ASTN2: variants seen among roughly 807,000 people sequenced by gnomAD.
ASTN2 encodes the protein astrotactin-2.
A neutral mutation model predicts 139.8 loss-of-function variants in ASTN2; 54 were observed. The ratio of observed to expected loss-of-function variants is 0.39; its 90% CI spans 0.31 to 0.48. The LOEUF is 0.48. Ranked by LOEUF, ASTN2 falls within the 20% of genes least tolerant of loss-of-function variation. ASTN2 has a pLI of 0.95. For missense variants in ASTN2, 1,565 were observed against 1,725.1 expected, an observed-to-expected ratio of 0.91 and a Z score of 1.64; for synonymous variants, 756 against 719.5, an observed-to-expected ratio of 1.05 and a Z score of -0.81.
intron 7 of ASTN2, among the ~76,000 whole-genome samples, chr9:116,995,624 A>C (rs927145691): frequency 6.6e-6 from 1 of 152,178 alleles, no homozygotes; most frequent in Non-Finnish European, 1.5e-5. Context: ...TCAAGGTTGT[A>C]ATTATGTGCT....
At chr9:116,833,239 T>A (rs1831872844) in intron 11 of ASTN2, among the ~76,000 whole-genome samples, 1 of 152,146 alleles carries the variant, frequency 6.6e-6, no homozygotes, top group South Asian at 2.1e-4. Context: ...TTACACAAGG[T>A]CTGTGGTGAT....
intron 2 of ASTN2, among the ~76,000 whole-genome samples, chr9:117,289,683 C>T (rs1359711998): frequency 2.0e-5 from 3 of 152,208 alleles, no homozygotes; most frequent in African/African-American, 7.2e-5. Context: ...TGGTGTCCCA[C>T]ACCCCATGAG....
At chr9:117,057,446 C>T (rs748815271) in intron 5 of ASTN2, among the ~76,000 whole-genome samples, 37 of 152,172 alleles carry the variant, frequency 2.4e-4, no homozygotes, top group Non-Finnish European at 1.0e-4. Context: ...CCTGCATATG[C>T]TGTTAAATTT....
rs150517462 is a variant in ASTN2, at chr9:117,141,360, C to T, written c.1134G>A (p.Ser378=). ...TGCTCCTCCGCTTCCTCTTCCCTGC[C>T]GATGTGCTGCGCAGGGGTGGTTGCA... ...GQLQPPLRST[S]AGKRKRRSKS... is the part of the protein sequence containing the mutation. The change falls in exon 4 of 23, where the codon TCG becomes TCA. Residue 378 remains serine, a synonymous_variant. Transcript: ENST00000313400. The T allele has an allele frequency of 6.3e-5, 86 of 1,367,286 alleles. No homozygotes were observed. The highest frequency in any genetic ancestry group is 2.1e-4 in the Middle Eastern group (1 of 4,788). The allele number at this position is 1,367,286 out of a possible 1,614,324, so 84.7% of individuals were successfully genotyped here.
At chr9:117,192,781 G>T (rs997394973) in intron 3 of ASTN2, among the ~76,000 whole-genome samples, 9 of 152,148 alleles carry the variant, frequency 5.9e-5, no homozygotes, top group Non-Finnish European at 1.3e-4. Flanking sequence ...AGGGATGTGG[G>T]TATAAAGTAC....
At position 117,204,014 on chromosome 9, in the gene ASTN2, G is replaced by A. The variant is rs553022231; in HGVS notation, c.1015+10344C>T. ...GCCACCACACTCCCCAGGGGTTCAG[G>A]TCCAGGGAGATCTGAATTCTGTCCC... On this transcript the variant is annotated intron_variant, in intron 3 of 22. Transcript: ENST00000313400. Among the ~76,000 whole-genome samples the A allele has an allele frequency of 3.9e-5, 6 of 152,308 alleles. No homozygotes were observed. The South Asian group carries it at 1.2e-3, about 32-fold the overall frequency.
chr9:116,708,626 A>G (rs766039340), intron 16 of ASTN2, among the ~76,000 whole-genome samples: 1 of 152,178 alleles, frequency 6.6e-6, no homozygotes, highest in African/African-American at 2.4e-5. Context: ...GAGCTCACGA[A>G]AAAGGGATGG....
chr9:117,215,182 G>A (rs968528400), intron 2 of ASTN2, among the ~76,000 whole-genome samples: 1 of 152,086 alleles, frequency 6.6e-6, no homozygotes, highest in African/African-American at 2.4e-5. Context: ...AGTTGCCTAC[G>A]CTCCCCCAGC....
chr9:117,112,325 C>A (rs181232333), intron 4 of ASTN2, among the ~76,000 whole-genome samples: 165 of 151,856 alleles, frequency 1.1e-3, no homozygotes, highest in Non-Finnish European at 1.3e-3. Flanking sequence ...AAGTAATCCA[C>A]AATAGCTAAG....
intron 16 of ASTN2, chr9:116,700,064 T>G: frequency 3.0e-6 from 1 of 329,640 alleles, no homozygotes; most frequent in Non-Finnish European, 6.0e-6. Flanking sequence ...CCCATTTGGC[T>G]TTGATGCCCT....
rs766737126 is a variant in ASTN2 at position 116,425,813 on chromosome 9, T to C, written c.*38A>G. 3.5e-5 allele frequency: 51 copies of C among 1,477,286 alleles called. No individual in the cohort carries two copies. In the South Asian group the frequency reaches 4.9e-4, roughly 14 times the overall value. The allele number at this position is 1,477,286 out of a possible 1,614,324, so 91.5% of individuals were successfully genotyped here. On this transcript the variant is annotated 3_prime_UTR_variant, in exon 23 of 23. Coordinates refer to ENST00000313400, the MANE Select transcript of ASTN2 (RefSeq NM_001365068.1). ...CAGGAGAATACTGCTCCCCCTCCCA[T>C]GGAGAGTCTCTGTGCTCACGGAGGG...
In ASTN2 at chr9:117,152,499, C is replaced by T. The variant is rs551834939; in HGVS notation, c.1016-11021G>A. 3.3e-5 allele frequency among the ~76,000 whole-genome samples: 5 copies of T among 152,294 alleles called. No homozygotes were observed. In the South Asian group the frequency reaches 1.0e-3, roughly 32 times the overall value. ...TGCAACATTAATTCCAAAGACACAGCTTCTGCTCATGGTCTTCTGTCTGCT... is the reference window on the plus strand; with the variant it reads ...TGCAACATTAATTCCAAAGACACAGTTTCTGCTCATGGTCTTCTGTCTGCT... On this transcript the variant is annotated intron_variant, in intron 3 of 22. Transcript: ENST00000313400.
chr9:116,472,490 C>G (rs1848843293), intron 20 of ASTN2, among the ~76,000 whole-genome samples: 1 of 152,190 alleles, frequency 6.6e-6, no homozygotes, highest in Non-Finnish European at 1.5e-5. Flanking sequence ...GTCCCTAACA[C>G]TGGGCAAAGC....
chr9:116,789,036 C>T (rs1215360273), intron 13 of ASTN2, among the ~76,000 whole-genome samples: 1 of 152,082 alleles, frequency 6.6e-6, no homozygotes, highest in Non-Finnish European at 1.5e-5. Flanking sequence ...TGCAAAATGC[C>T]TATATGGTCT....
At chr9:116,601,944 A>G (rs1431338057) in intron 19 of ASTN2, among the ~76,000 whole-genome samples, 2 of 152,146 alleles carry the variant, frequency 1.3e-5, no homozygotes, top group African/African-American at 4.8e-5. Flanking sequence ...ATTATACAGG[A>G]CCAAGCCATA....
chr9:117,106,418 A>G (rs1829105327), intron 4 of ASTN2, among the ~76,000 whole-genome samples: 1 of 151,970 alleles, frequency 6.6e-6, no homozygotes, highest in Non-Finnish European at 1.5e-5. Context: ...GGTAGTCTCA[A>G]ACTCCTGGCC....
At chr9:117,159,506 T>C (rs1293514754) in intron 3 of ASTN2, among the ~76,000 whole-genome samples, 1 of 152,026 alleles carries the variant, frequency 6.6e-6, no homozygotes, top group Non-Finnish European at 1.5e-5. Flanking sequence ...CTTGATTAGA[T>C]ATTTCTAGAA....
chr9:116,910,553 C>T (rs1251486904), intron 10 of ASTN2, among the ~76,000 whole-genome samples: 1 of 152,214 alleles, frequency 6.6e-6, no homozygotes, highest in Non-Finnish European at 1.5e-5. Context: ...TAACATTCTG[C>T]AATCCTCAGT....
At chr9:117,127,142 C>T (rs1177552444) in intron 4 of ASTN2, among the ~76,000 whole-genome samples, 2 of 152,196 alleles carry the variant, frequency 1.3e-5, no homozygotes, top group South Asian at 2.1e-4. Context: ...AGATCTTAGC[C>T]ATCCTGGGTT....
Sources: allele counts gnomAD v4.1 joint callset (sites outside exome capture counted in the v4.1 genomes callset), GRCh38; gene constraint gnomAD v4.1.1; transcripts MANE v1.5; gene names NCBI Gene and HGNC (gene_info 2026-07-23, HGNC 2026-07-21).